The following PDE4B variants were observed in gnomAD, a reference collection of about 807,000 sequenced individuals.
PDE4B encodes 3',5'-cyclic-AMP phosphodiesterase 4B.
Under a neutral mutation model 82.2 loss-of-function variants are expected in PDE4B, and 20 were observed. That is an observed-to-expected ratio of 0.24 (90% CI 0.17 to 0.35). PDE4B has a LOEUF of 0.35. Among genes scored for constraint, PDE4B ranks in the 10% least tolerant of loss-of-function variants. The pLI is 1.00. For missense variants in PDE4B, 655 were observed against 907.2 expected (o/e 0.72, Z 3.57); for synonymous variants, 320 against 318.9 (o/e 1.00, Z -0.04).
chr1:66,076,989 C>A (rs76537299), intron 3 of PDE4B, among the ~76,000 whole-genome samples: 97 of 151,870 alleles, frequency 6.4e-4, no homozygotes, highest in African/African-American at 2.3e-3. Flanking sequence ...TTGTTAGTTT[C>A]TCTTGGTGGC....
intron 1 of PDE4B, among the ~76,000 whole-genome samples, chr1:65,794,053 G>T (rs1215243174): frequency 6.6e-6 from 1 of 152,176 alleles, no homozygotes; most frequent in Non-Finnish European, 1.5e-5. Flanking sequence ...ATATGTGTGT[G>T]TGTGTGTCTG....
chr1:66,106,143 G>A (rs201457733), intron 3 of PDE4B, among the ~76,000 whole-genome samples: 1 of 152,102 alleles, frequency 6.6e-6, no homozygotes. Flanking sequence ...AGAGTTTTTA[G>A]CATGAAGCAT....
chr1:66,046,160 G>A (rs927415276), intron 3 of PDE4B: 1 of 151,802 alleles, frequency 6.6e-6, no homozygotes, highest in Non-Finnish European at 1.5e-5. Flanking sequence ...CGATAGAGAT[G>A]GAGGAGAGAA....
At chr1:66,034,463 A>C (rs1375078131) in intron 3 of PDE4B, among the ~76,000 whole-genome samples, 1 of 152,234 alleles carries the variant, frequency 6.6e-6, no homozygotes, top group Non-Finnish European at 1.5e-5. Flanking sequence ...TATTCATGGC[A>C]TTATGGAATA....
At chr1:66,108,568 A>C (rs1186204086) in intron 3 of PDE4B, among the ~76,000 whole-genome samples, 1 of 152,020 alleles carries the variant, frequency 6.6e-6, no homozygotes, top group Non-Finnish European at 1.5e-5. Flanking sequence ...ATAATATCCA[A>C]AATACATAAG....
intron 3 of PDE4B, among the ~76,000 whole-genome samples, chr1:66,220,202 T>G (rs1650859672): frequency 6.6e-6 from 1 of 152,152 alleles, no homozygotes. Flanking sequence ...CACTTGCTAT[T>G]GGGAAGAAGA....
chr1:65,857,958 G>T (rs1001350353), intron 1 of PDE4B, among the ~76,000 whole-genome samples: 1 of 151,642 alleles, frequency 6.6e-6, no homozygotes, highest in Non-Finnish European at 1.5e-5. Context: ...TTGCAGGCAG[G>T]TTACATAATA....
At chr1:66,284,401 G>C (rs1413235171) in intron 7 of PDE4B, among the ~76,000 whole-genome samples, 1 of 152,128 alleles carries the variant, frequency 6.6e-6, no homozygotes, top group Non-Finnish European at 1.5e-5. Flanking sequence ...GGACAAGGAA[G>C]GTATAAGATA....
At chr1:65,885,385 C>G (rs1370895036) in intron 1 of PDE4B, among the ~76,000 whole-genome samples, 2 of 152,148 alleles carry the variant, frequency 1.3e-5, no homozygotes, top group African/African-American at 2.4e-5. Context: ...GATTATAAAT[C>G]ATGCTGCTAT....
At chr1:66,029,032 A>T (rs893405675) in intron 3 of PDE4B, among the ~76,000 whole-genome samples, 2 of 152,098 alleles carry the variant, frequency 1.3e-5, no homozygotes, top group African/African-American at 4.8e-5. Context: ...ACTGGTACCA[A>T]TTTACTGTAT....
intron 3 of PDE4B, among the ~76,000 whole-genome samples, chr1:66,182,436 T>G (rs1647086972): frequency 6.6e-6 from 1 of 152,206 alleles, no homozygotes; most frequent in Non-Finnish European, 1.5e-5. Flanking sequence ...CCTATTTAAG[T>G]TAAATGTTTT....
chr1:66,260,610 G>A (rs184605471), intron 6 of PDE4B, among the ~76,000 whole-genome samples: 6 of 152,306 alleles, frequency 3.9e-5, no homozygotes, highest in Non-Finnish European at 7.3e-5. Flanking sequence ...AGAAGGCGGG[G>A]TGGGTGGTGG....
At chr1:66,323,668 T>G (rs1229800068) in intron 7 of PDE4B, among the ~76,000 whole-genome samples, 1 of 152,190 alleles carries the variant, frequency 6.6e-6, no homozygotes, top group East Asian at 1.9e-4. Context: ...ATTTATTTGT[T>G]AACCAGATGC....
chr1:66,268,053 T>G (rs1655183131), intron 7 of PDE4B, among the ~76,000 whole-genome samples: 1 of 152,200 alleles, frequency 6.6e-6, no homozygotes, highest in Non-Finnish European at 1.5e-5. Context: ...AGTACTGAAG[T>G]TGAATTCATG....
chr1:65,936,295 G>T (rs999600592), intron 3 of PDE4B, among the ~76,000 whole-genome samples: 3 of 152,090 alleles, frequency 2.0e-5, no homozygotes, highest in Admixed American at 2.0e-4. Flanking sequence ...ATATACATAA[G>T]GGTATATTAT....
intron 3 of PDE4B, among the ~76,000 whole-genome samples, chr1:66,173,615 G>A (rs1030151132): frequency 2.0e-5 from 3 of 152,180 alleles, no homozygotes; most frequent in African/African-American, 7.2e-5. Flanking sequence ...ATTGTTAAGT[G>A]GTAAAATGTT....
chr1:66,163,251 G>T (rs957700843), intron 3 of PDE4B, among the ~76,000 whole-genome samples: 1 of 152,130 alleles, frequency 6.6e-6, no homozygotes, highest in African/African-American at 2.4e-5. Context: ...TGCACAGGGG[G>T]CAATACCTTG....
At chr1:66,046,577 G>A (rs1441925658) in intron 3 of PDE4B, among the ~76,000 whole-genome samples, 1 of 151,784 alleles carries the variant, frequency 6.6e-6, no homozygotes, top group Admixed American at 6.6e-5. Context: ...TTTGTTCCTG[G>A]TGGTAAATTA....
intron 3 of PDE4B, among the ~76,000 whole-genome samples, chr1:66,118,359 G>T (rs2101070503): frequency 6.6e-6 from 1 of 152,210 alleles, no homozygotes; most frequent in Middle Eastern, 3.4e-3. Context: ...AAGAAAATGT[G>T]GCACATATAC....
Sources: gnomAD v4.1 joint callset for allele counts (sites outside exome capture counted in the v4.1 genomes callset) on GRCh38, gnomAD v4.1.1 for gene constraint, MANE v1.5 for transcripts, NCBI Gene and HGNC (gene_info 2026-07-23, HGNC 2026-07-21) for gene names.